Variants in CEP350 observed in about 807,000 individuals in gnomAD.
CEP350 encodes the protein centrosomal protein 350.
A neutral mutation model predicts 331.8 loss-of-function variants in CEP350; 126 were observed. That is an observed-to-expected ratio of 0.38 (90% CI 0.33 to 0.44). The LOEUF (loss-of-function observed/expected upper bound fraction) is 0.44, where lower values mean the gene tolerates loss of function less well. CEP350 is among the 20% of genes least tolerant of loss of function. The pLI is 1.00. For synonymous variants in CEP350, 1,200 were observed against 1,259.5 expected, an observed-to-expected ratio of 0.95 and a Z score of 1.00; for missense variants, 3,406 against 3,634.6, an observed-to-expected ratio of 0.94 and a Z score of 1.62.
intron 1 of CEP350, 129 bp from the exon 2 acceptor site, chr1:179,986,040 G>C (rs1334554301): frequency 1.5e-6 from 1 of 671,306 alleles, no homozygotes; most frequent in Non-Finnish European, 2.4e-6. Flanking sequence ...GTGTGTTTTT[G>C]ATAGTAGCTT....
Position 180,020,509 on chromosome 1 carries a change from G to A in CEP350, c.2735G>A (p.Gly912Asp), listed in dbSNP as rs1265650717. The change falls in exon 12 of 38, where the codon GGT becomes GAT. Residue 912 changes from glycine to aspartate, a missense_variant. Around this residue, in one of 5 missense-constraint regions of CEP350, gnomAD observed 1,857 missense variants for 1,909.2 expected, o/e 0.97. Coordinates refer to ENST00000367607, the MANE Select transcript of CEP350 (RefSeq NM_014810.5). ...GCAACTTTTGATGATGATCTTCCTG[G>A]TGTAGGCAATCTTAGTGAATTTAAA... ...SHATFDDDLP[G>D]VGNLSEFKKL... The A allele has an allele frequency of 6.2e-7, 1 of 1,613,958 alleles. No individual in the cohort carries two copies.
At chr1:180,102,097 G>A (rs539544734) in intron 37 of CEP350, among the ~76,000 whole-genome samples, 96 of 152,000 alleles carry the variant, frequency 6.3e-4, no homozygotes, top group African/African-American at 2.3e-3. Context: ...AGAGTGAAAG[G>A]AGGGCGGGCC....
intron 1 of CEP350, among the ~76,000 whole-genome samples, chr1:179,967,775 T>C (rs1042388610): frequency 3.9e-5 from 6 of 152,252 alleles, no homozygotes; most frequent in Non-Finnish European, 7.3e-5. Flanking sequence ...TGAAAGAATT[T>C]ATTTTTAATT....
intron 33 of CEP350, among the ~76,000 whole-genome samples, chr1:180,092,061 T>C (rs933069043): frequency 1.3e-5 from 2 of 152,092 alleles, no homozygotes; most frequent in African/African-American, 2.4e-5. Flanking sequence ...AAAAAACGAT[T>C]TGAATTTAAA....
Position 180,111,299 on chromosome 1 carries a change from C to T in CEP350, c.*138C>T. ...TCTTAAAGACTACCAGTATGGAGTTCATAGGACAATGTGGTACACCTGGTA... is the reference window on the plus strand; with the variant it reads ...TCTTAAAGACTACCAGTATGGAGTTTATAGGACAATGTGGTACACCTGGTA... On this transcript the variant is annotated 3_prime_UTR_variant, in exon 38 of 38. Transcript: ENST00000367607. 1 of 1,013,476 alleles carries T rather than the reference C, an allele frequency of 9.9e-7. No homozygotes were observed. The highest frequency in any genetic ancestry group is 1.4e-6 in the Non-Finnish European group (1 of 702,552). 62.8% of individuals were successfully genotyped at this position (1,013,476 alleles called of 1,614,324 possible). A position where few individuals can be genotyped will look rare whatever the true frequency, so the allele number is the denominator to read the frequency against.
At chr1:180,063,586 C>T (rs1658374245) in intron 26 of CEP350, among the ~76,000 whole-genome samples, 1 of 151,862 alleles carries the variant, frequency 6.6e-6, no homozygotes, top group South Asian at 2.1e-4. Context: ...CCTAGGTGGG[C>T]AGATCGCTTG....
intron 1 of CEP350, chr1:179,969,250 TC>T (rs1651252245): frequency 3.9e-6 from 2 of 509,892 alleles, no homozygotes; most frequent in Admixed American, 2.1e-5. Flanking sequence ...TCTACAGAGA[TC>T]CTGAAGAGAC....
chr1:180,096,234 AC>A (rs1558158417), intron 36 of CEP350, 50 bp downstream of exon 36: 3 of 1,507,752 alleles, frequency 2.0e-6, no homozygotes, highest in Non-Finnish European at 2.7e-6. Context: ...CTGTTCATTT[AC>A]ACATATCTGT....
chr1:180,087,957 GT>G (rs1318884830), intron 32 of CEP350, among the ~76,000 whole-genome samples: 2 of 151,990 alleles, frequency 1.3e-5, no homozygotes, highest in Non-Finnish European at 2.9e-5. Context: ...GAAAATGGTA[GT>G]TTCCAACATT....
chr1:180,065,039 T>G, intron 26 of CEP350, 76 bp from the exon 27 acceptor site: 1 of 1,396,588 alleles, frequency 7.2e-7, no homozygotes, highest in Non-Finnish European at 9.4e-7. Flanking sequence ...ATAAACTTAA[T>G]TTTGAATTGA....
At position 180,093,529 on chromosome 1, in the gene CEP350, A is replaced by G; in HGVS notation, c.7424A>G (p.His2475Arg). ...MKSKERSDVE[H>R]EQQVTESPSL... ...AGTAAGGAGCGCAGTGATGTGGAGC[A>G]TGAACAGCAAGTTACTGAATCCCCT... The change falls in exon 34 of 38, where the codon CAT (histidine) becomes CGT (arginine). Residue 2475 changes from histidine (H) to arginine (R), a missense_variant. Transcript: ENST00000367607. The G allele has an allele frequency of 6.2e-7, 1 of 1,613,630 alleles. No individual in the cohort carries two copies. The highest frequency in any genetic ancestry group is 8.5e-7 in the Non-Finnish European group (1 of 1,179,642).
intron 16 of CEP350, among the ~76,000 whole-genome samples, chr1:180,034,929 T>C (rs1021728073): frequency 2.0e-5 from 3 of 152,160 alleles, no homozygotes; most frequent in African/African-American, 7.2e-5. Context: ...TTAAGCTTAG[T>C]GACGAAGGGA....
intron 7 of CEP350, among the ~76,000 whole-genome samples, chr1:180,004,894 GCTTGCTTGCTTGCTTT>G (rs1168833774): frequency 0.013 from 788 of 59,800 alleles, 7 homozygotes; most frequent in African/African-American, 0.041. Flanking sequence ...TTGCTTGCTT[GCTTGCTTGCTTGCTTT>G]CTTTCTTTCT....
intron 1 of CEP350, among the ~76,000 whole-genome samples, chr1:179,967,627 G>A (rs1016867509): frequency 6.6e-6 from 1 of 152,038 alleles, no homozygotes; most frequent in Non-Finnish European, 1.5e-5. Flanking sequence ...GGCCAGGCTG[G>A]TCTCCAACTC....
At chr1:180,083,710 T>C (rs574665095) in intron 30 of CEP350, among the ~76,000 whole-genome samples, 1 of 152,340 alleles carries the variant, frequency 6.6e-6, no homozygotes, top group African/African-American at 2.4e-5. Flanking sequence ...ATTTCTCAAC[T>C]TCCAGCTGCA....
intron 1 of CEP350, among the ~76,000 whole-genome samples, chr1:179,956,927 TTTAAAATA>T (rs1375383806): frequency 6.6e-6 from 1 of 152,154 alleles, no homozygotes; most frequent in African/African-American, 2.4e-5. Flanking sequence ...TTGGTGTTAT[TTTAAAATA>T]TTAAAAAATT....
chr1:179,996,586 C>T lies in CEP350; in HGVS notation c.429C>T (p.Ser143=). 1 of 1,580,834 alleles carries T rather than the reference C, an allele frequency of 6.3e-7. No individual in the cohort carries two copies. The highest frequency in any genetic ancestry group is 1.3e-5 in the African/African-American group (1 of 74,422). The part of the protein sequence containing the change: ...EIHGAPSNFS[S]SHLESKHVYC... ...ATGGTGCACCTTCCAATTTCAGTTCCAGCCATCTGGAATCAAAGCACGTAT... is the reference window on the plus strand; with the variant it reads ...ATGGTGCACCTTCCAATTTCAGTTCTAGCCATCTGGAATCAAAGCACGTAT... The change falls in exon 6 of 38, where the codon TCC becomes TCT. Residue 143 remains serine, a synonymous_variant. Transcript: ENST00000367607.
At position 179,992,042 on chromosome 1, in the gene CEP350, C is replaced by A. The variant is rs1264342724; in HGVS notation, c.236-20C>A. On this transcript the variant is annotated intron_variant, in intron 4 of 37. Coordinates refer to ENST00000367607, the MANE Select transcript of CEP350 (RefSeq NM_014810.5). ...TTGTATTTTATATTATATGTTCTCA[C>A]AGATTTCCTTTTCCTTCAGATGGTA... The A allele has an allele frequency of 1.3e-6, 2 of 1,508,696 alleles. No homozygotes were observed. Among genetic ancestry groups the A allele is most frequent in the Middle Eastern group, 1.7e-4 (1 of 5,882 alleles). 93.5% of individuals were successfully genotyped at this position (1,508,696 alleles called of 1,614,324 possible).
At chr1:180,076,217 A>C (rs113681301) in intron 28 of CEP350, among the ~76,000 whole-genome samples, 1,553 of 152,152 alleles carry the variant, frequency 0.01, 29 homozygotes, top group African/African-American at 0.033. Context: ...TTACTTTTCC[A>C]TAGAATAGAA....
Sources: gnomAD v4.1 joint callset for allele counts (sites outside exome capture counted in the v4.1 genomes callset) on GRCh38, gnomAD v4.1.1 for gene constraint, gnomAD v4.1.1 regional missense constraint, MANE v1.5 for transcripts, NCBI Gene and HGNC (gene_info 2026-07-23, HGNC 2026-07-21) for gene names.